Variants in SLC22A12 observed in about 807,000 individuals in gnomAD.
The protein encoded by SLC22A12 is solute carrier family 22 member 12.
In SLC22A12, 56 loss-of-function variants were observed where a neutral mutation model predicts 52.7. The ratio of observed to expected loss-of-function variants is 1.06; its 90% CI spans 0.86 to 1.33. The LOEUF is 1.33. SLC22A12 is among the 40% of genes most tolerant of loss of function. The pLI is 0.00. For missense variants in SLC22A12, 683 were observed against 741.5 expected, an observed-to-expected ratio of 0.92 and a Z score of 0.92; for synonymous variants, 337 against 324.6, an observed-to-expected ratio of 1.04 and a Z score of -0.41.
Position 64,598,404 on chromosome 11 carries a change from G to A in SLC22A12, c.831-112G>A, listed in dbSNP as rs1008096610. On this transcript the variant is annotated intron_variant, in intron 4 of 9. Transcript: ENST00000377574. Reference sequence around the variant, plus strand: ...ACAACGCCCTTCGGGGTCCTCAGCCGCCCTAAGCCTTGGGCCTGGAGCAGT... The same window carrying A: ...ACAACGCCCTTCGGGGTCCTCAGCCACCCTAAGCCTTGGGCCTGGAGCAGT... The A allele has an allele frequency of 1.8e-4, 260 of 1,478,416 alleles. 1 individual carries two copies. The highest frequency in any genetic ancestry group is 2.3e-4 in the Middle Eastern group (1 of 4,268). 91.6% of individuals were successfully genotyped at this position (1,478,416 alleles called of 1,614,324 possible).
At chr11:64,597,793 A>T (rs1028109227) in intron 4 of SLC22A12, among the ~76,000 whole-genome samples, 1 of 152,154 alleles carries the variant, frequency 6.6e-6, no homozygotes, top group African/African-American at 2.4e-5. Flanking sequence ...ACGGTGTGGC[A>T]TAAGCTCGGT....
At position 64,601,681 on chromosome 11, in the gene SLC22A12, C is replaced by T. The variant is rs913731079; in HGVS notation, c.*130C>T. ...CTGCCCTCTGAGGTCCCCACTCTCC[C>T]CCAGGGCTGCCCCTCCAGGTGAGCC... is the stretch of plus-strand genomic sequence containing the variant. On this transcript the variant is annotated 3_prime_UTR_variant, in exon 10 of 10. Transcript: ENST00000377574. The T allele has an allele frequency of 1.5e-5, 15 of 989,580 alleles. No individual in the cohort carries two copies. Among genetic ancestry groups the T allele is most frequent in the African/African-American group, 3.2e-5 (2 of 61,780 alleles). 61.3% of individuals were successfully genotyped at this position (989,580 alleles called of 1,614,324 possible).
intron 6 of SLC22A12, 24 bp downstream of exon 6, chr11:64,598,947 A>G: frequency 6.2e-7 from 1 of 1,609,010 alleles, no homozygotes. Context: ...CCCCAACCCC[A>G]CCTCCACAGG....
At chr11:64,596,286 GGATGGCTGAAT>G (rs1565137788) in intron 4 of SLC22A12, among the ~76,000 whole-genome samples, 6 of 130,372 alleles carry the variant, frequency 4.6e-5, no homozygotes, top group East Asian at 2.4e-4. Context: ...ATGGATGGAT[GGATGGCTGAAT>G]GGATGGTTGA....
In SLC22A12 at chr11:64,591,847, G is replaced by A; in HGVS notation, c.291G>A (p.Gln97=). The A allele has an allele frequency of 6.2e-7, 1 of 1,612,522 alleles. No individual in the cohort carries two copies. The highest frequency in any genetic ancestry group is 8.5e-7 in the Non-Finnish European group (1 of 1,180,016). The change falls in exon 1 of 10, where the codon CAG becomes CAA. Residue 97 remains glutamine, a synonymous_variant. Coordinates refer to ENST00000377574, the MANE Select transcript of SLC22A12 (RefSeq NM_144585.4). Reference sequence around the variant, plus strand: ...GCCGCTTCCGCCAGCCACAGTGGCAGCTCTTGGACCCCAATGCCACGGCCA... The same window carrying A: ...GCCGCTTCCGCCAGCCACAGTGGCAACTCTTGGACCCCAATGCCACGGCCA... ...QCRRFRQPQW[Q]LLDPNATATS...
At chr11:64,599,606 T>TG in intron 6 of SLC22A12, 70 bp from the exon 7 acceptor site, 1 of 423,262 alleles carries the variant, frequency 2.4e-6, no homozygotes, top group South Asian at 3.3e-5. Context: ...CACCGCCCAT[T>TG]GTTCCCACCC....
At chr11:64,597,800 C>T (rs553388963) in intron 4 of SLC22A12, among the ~76,000 whole-genome samples, 2 of 152,186 alleles carry the variant, frequency 1.3e-5, no homozygotes, top group South Asian at 2.1e-4. Context: ...GGCATAAGCT[C>T]GGTTTGACAC....
chr11:64,594,752 G>A lies in SLC22A12; in HGVS notation c.830+949G>A, dbSNP rs11231827. On this transcript the variant is annotated intron_variant, in intron 4 of 9. Coordinates refer to ENST00000377574, the MANE Select transcript of SLC22A12 (RefSeq NM_144585.4). The stretch of plus-strand genomic sequence containing the variant: ...GGACAGACGGACGGACGGTTGGATG[G>A]ATGGATGGATGGATGGATGAATGGA... 9.1e-3 allele frequency among the ~76,000 whole-genome samples: 1,372 copies of A among 150,754 alleles called. 22 individuals are homozygous for A. The highest frequency in any genetic ancestry group is 0.03 in the African/African-American group (1,233 of 41,036).
chr11:64,591,575 C>A lies in SLC22A12; in HGVS notation c.19C>A (p.Leu7Met). 1.2e-6 allele frequency: 2 copies of A among 1,612,674 alleles called. No homozygotes were observed. The highest frequency in any genetic ancestry group is 8.5e-7 in the Non-Finnish European group (1 of 1,180,018). The change falls in exon 1 of 10, where the codon CTG becomes ATG. Residue 7 changes from leucine to methionine, a missense_variant. Transcript: ENST00000377574. ...AGGTTCCATGGCATTTTCTGAACTC[C>A]TGGACCTCGTGGGTGGCCTGGGCAG... Reference protein sequence around the residue: MAFSELLDLVGGLGRFQ... With the variant: MAFSELMDLVGGLGRFQ...
At position 64,591,816 on chromosome 11, in the gene SLC22A12, A is replaced by G. The variant is rs1490066074; in HGVS notation, c.260A>G (p.Gln87Arg). ...CCGGGCCCCAACCAGAGGCCCCACC[A>G]GTGCCGCCGCTTCCGCCAGCCACAG... ...IPPGPNQRPH[Q>R]CRRFRQPQWQ... The change falls in exon 1 of 10, where the codon CAG (glutamine) becomes CGG (arginine). Residue 87 changes from glutamine (Q) to arginine (R), a missense_variant. Gln to Arg is a conservative substitution (Grantham distance 43, BLOSUM62 1). Coordinates refer to ENST00000377574, the MANE Select transcript of SLC22A12 (RefSeq NM_144585.4). 3.1e-6 allele frequency: 5 copies of G among 1,611,948 alleles called. No homozygotes were observed. The Admixed American group carries it at 6.7e-5, about 21-fold the overall frequency.
At chr11:64,599,979 T>A in intron 7 of SLC22A12, 89 bp downstream of exon 7, 1 of 1,458,704 alleles carries the variant, frequency 6.9e-7, no homozygotes, top group Non-Finnish European at 9.4e-7. Context: ...GGTGCTGGAC[T>A]AGAGCAGGTA....
chr11:64,596,604 A>G (rs1308418521), intron 4 of SLC22A12, among the ~76,000 whole-genome samples: 2 of 152,210 alleles, frequency 1.3e-5, no homozygotes, highest in Non-Finnish European at 2.9e-5. Flanking sequence ...CCGCACCCAC[A>G]CTAAGAAGAA....
chr11:64,592,973 A>C (rs2038970066), intron 2 of SLC22A12, 91 bp downstream of exon 2: 7 of 1,238,210 alleles, frequency 5.7e-6, no homozygotes, highest in Non-Finnish European at 8.2e-6. Flanking sequence ...CCAGCCTCAC[A>C]AAACCAAGTC....
In SLC22A12 at chr11:64,599,721, G is replaced by A; in HGVS notation, c.1116G>A (p.Gln372=). The change falls in exon 7 of 10, where the codon CAG becomes CAA. Residue 372 remains glutamine (Q), a synonymous_variant. Transcript: ENST00000377574. ...FTFFGLALDL[Q]ALGSNIFLLQ... The stretch of plus-strand genomic sequence containing the variant: ...TCTTCGGCCTGGCCCTGGACCTGCA[G>A]GCCCTGGGCAGCAACATCTTCCTGC... The A allele has an allele frequency of 1.2e-6, 2 of 1,611,752 alleles. No individual in the cohort carries two copies. The highest frequency in any genetic ancestry group is 1.7e-6 in the Non-Finnish European group (2 of 1,179,632).
intron 6 of SLC22A12, 85 bp from the exon 7 acceptor site, chr11:64,599,591 G>GGCCC: frequency 3.2e-6 from 2 of 617,176 alleles, no homozygotes; most frequent in African/African-American, 2.2e-5. Context: ...CCCACCCTGA[G>GGCCC]CCCCCACCGC....
chr11:64,598,756 A>T, intron 5 of SLC22A12, 52 bp from the exon 6 acceptor site: 1 of 1,610,204 alleles, frequency 6.2e-7, no homozygotes, highest in East Asian at 2.2e-5. Context: ...CTCAGAGAGG[A>T]GGAGGTGCCT....
Position 64,600,524 on chromosome 11 carries a change from CG to C in SLC22A12, c.1394+53del, listed in dbSNP as rs772146494. On this transcript the variant is annotated intron_variant, in intron 8 of 9. Transcript: ENST00000377574. The stretch of plus-strand genomic sequence containing the variant: ...GAGAGGGGAGCCCTGGGCTGAGCTG[CG>C]GGGCACCCCCAGGCAGGACTGGCTT... The C allele has an allele frequency of 1.3e-5, 20 of 1,487,580 alleles. No homozygotes were observed. The South Asian group carries it at 1.8e-4, about 14-fold the overall frequency. 92.1% of individuals were successfully genotyped at this position (1,487,580 alleles called of 1,614,324 possible). A position where few individuals can be genotyped will look rare whatever the true frequency, so the allele number is the denominator to read the frequency against.
At position 64,591,757 on chromosome 11, in the gene SLC22A12, G is replaced by C. The variant is rs1193078455; in HGVS notation, c.201G>C (p.Leu67Phe). ...CTCAGGCCAGCATCCTAGGGAGCTTGAGTCCTGAGGCCCTCCTGGCTATTT... is the reference window on the plus strand; with the variant it reads ...CTCAGGCCAGCATCCTAGGGAGCTTCAGTCCTGAGGCCCTCCTGGCTATTT... ...STAQASILGSLSPEALLAISI... is the reference protein window; with the variant it reads ...STAQASILGSFSPEALLAISI... The change falls in exon 1 of 10, where the codon TTG becomes TTC. Residue 67 changes from leucine to phenylalanine, a missense_variant. By Grantham distance (22) the Leu-to-Phe change is conservative. Transcript: ENST00000377574. 15 of 1,612,906 alleles carry C rather than the reference G, an allele frequency of 9.3e-6. No individual in the cohort carries two copies. The highest frequency in any genetic ancestry group is 1.7e-5 in the Admixed American group (1 of 60,028).
Position 64,591,592 on chromosome 11 carries a change from C to T in SLC22A12, c.36C>T (p.Gly12=). 6.2e-7 allele frequency: 1 copy of T among 1,612,992 alleles called. No homozygotes were observed. Among genetic ancestry groups the T allele is most frequent in the Non-Finnish European group, 8.5e-7 (1 of 1,180,018 alleles). ...AFSELLDLVG[G]LGRFQVLQTM... is the part of the protein sequence containing the mutation. ...CTGAACTCCTGGACCTCGTGGGTGG[C>T]CTGGGCAGGTTCCAGGTTCTCCAGA... The change falls in exon 1 of 10, where the codon GGC becomes GGT. Residue 12 remains glycine, a synonymous_variant. Transcript: ENST00000377574.
Sources: allele counts gnomAD v4.1 joint callset (sites outside exome capture counted in the v4.1 genomes callset), GRCh38; gene constraint gnomAD v4.1.1; transcripts MANE v1.5; gene names NCBI Gene and HGNC (gene_info 2026-07-23, HGNC 2026-07-21).